CNNM3: variants seen among roughly 807,000 people sequenced by gnomAD.
The protein encoded by CNNM3 is metal transporter CNNM3.
A neutral mutation model predicts 57.1 loss-of-function variants in CNNM3; 47 were observed. The observed-to-expected ratio is 0.82, with a 90% confidence interval of 0.65 to 1.05. The LOEUF is 1.05. CNNM3 is among the 50% of genes least tolerant of loss of function. CNNM3 has a pLI of 0.00. For missense variants in CNNM3, 957 were observed against 973.7 expected, an observed-to-expected ratio of 0.98 and a Z score of 0.23; for synonymous variants, 507 against 478.2, an observed-to-expected ratio of 1.06 and a Z score of -0.79.
At chr2:96,832,202 C>T in intron 7 of CNNM3, 7 of 1,052,562 alleles carry the variant, frequency 6.7e-6, no homozygotes, top group Non-Finnish European at 6.9e-6. Flanking sequence ...TCCCTTCCAT[C>T]CTTCTGGAAG....
At chr2:96,825,232 C>G (rs757023756) in intron 2 of CNNM3, 31 bp downstream of exon 2, 1 of 1,611,832 alleles carries the variant, frequency 6.2e-7, no homozygotes, top group Non-Finnish European at 8.5e-7. Context: ...GTTCTGTCTC[C>G]GCTGGGCCTG....
chr2:96,816,447 C>T lies in CNNM3; in HGVS notation c.170C>T (p.Thr57Met). The T allele has an allele frequency of 1.4e-6, 2 of 1,434,538 alleles. No individual in the cohort carries two copies. Among genetic ancestry groups the T allele is most frequent in the Non-Finnish European group, 1.8e-6 (2 of 1,093,416 alleles). 88.9% of individuals were successfully genotyped at this position (1,434,538 alleles called of 1,614,324 possible). A position where few individuals can be genotyped will look rare whatever the true frequency, so the allele number is the denominator to read the frequency against. ...GWVRGGAARD[T>M]PDATFLLRLF... is the part of the protein sequence containing the mutation. ...GTACGCGGAGGGGCGGCGCGGGACA[C>T]GCCGGACGCCACCTTCCTCCTGCGC... The change falls in exon 1 of 8, where the codon ACG (threonine) becomes ATG (methionine). Residue 57 changes from threonine to methionine, a missense_variant. Physicochemically the swap from Thr to Met is moderately conservative, Grantham distance 81. Transcript: ENST00000305510.
chr2:96,835,895 CGGT>C (rs2079684764), downstream of CNNM3, among the ~76,000 whole-genome samples: 1 of 152,104 alleles, frequency 6.6e-6, no homozygotes, highest in African/African-American at 2.4e-5. Context: ...TGATGCCTCA[CGGT>C]GGTTTTTCAT....
chr2:96,822,950 C>T (rs1043948493), intron 1 of CNNM3, among the ~76,000 whole-genome samples: 1 of 152,160 alleles, frequency 6.6e-6, no homozygotes, highest in Non-Finnish European at 1.5e-5. Flanking sequence ...CTGTGAGCTG[C>T]TCGTGGCTCC....
rs2079334986 is a variant in CNNM3 at position 96,817,148 on chromosome 2, C to G, written c.871C>G (p.Leu291Val). The stretch of plus-strand genomic sequence containing the variant: ...GCCCGGGCGGCTGCGGGAGCGGGTG[C>G]TGGAGCTGGCGCGCGGCGGCGGCGA... ...ARPGRLRERV[L>V]ELARGGGDPY... Residue 291 changes from leucine to valine, a missense_variant, in exon 1 of 8, where the codon CTG becomes GTG. This residue lies in a region of CNNM3 where 491 missense variants were observed against 570.6 expected (regional missense o/e 0.86). Transcript: ENST00000305510. The G allele has an allele frequency of 6.4e-6, 9 of 1,407,762 alleles. No individual in the cohort carries two copies. Among genetic ancestry groups the G allele is most frequent in the Non-Finnish European group, 7.3e-6 (8 of 1,091,692 alleles). 87.2% of individuals were successfully genotyped at this position (1,407,762 alleles called of 1,614,324 possible).
chr2:96,831,821 G>A (rs533902157), intron 7 of CNNM3: 10 of 220,198 alleles, frequency 4.5e-5, no homozygotes, highest in Non-Finnish European at 6.1e-5. Context: ...CTGTGGGGCA[G>A]CGCAGCACCA....
intron 3 of CNNM3, 135 bp downstream of exon 3, chr2:96,827,117 C>A: frequency 2.2e-6 from 2 of 926,790 alleles, no homozygotes; most frequent in Non-Finnish European, 3.2e-6. Flanking sequence ...GTGTTCTCTG[C>A]AGCCCTGCCA....
chr2:96,832,266 A>C (rs2079616038), intron 7 of CNNM3: 4 of 985,376 alleles, frequency 4.1e-6, no homozygotes, highest in Non-Finnish European at 4.8e-6. Flanking sequence ...TCCTTCCAGC[A>C]CAGGGTGCTG....
At chr2:96,823,644 TTAA>T (rs1193616583) in intron 1 of CNNM3, among the ~76,000 whole-genome samples, 1 of 152,222 alleles carries the variant, frequency 6.6e-6, no homozygotes, top group Non-Finnish European at 1.5e-5. Context: ...TGTGCTTTAT[TTAA>T]TCAAGCCCAT....
chr2:96,828,347 G>T lies in CNNM3; in HGVS notation c.1786+152G>T, dbSNP rs377754582. ...TGGTGTAGCCCCTGGGCTTCCAGGA[G>T]GGAGGGCAGCATTCTTCATCGCTCA... On this transcript the variant is annotated intron_variant, in intron 5 of 7. Transcript: ENST00000305510. The T allele has an allele frequency of 1.5e-5, 12 of 825,692 alleles. No individual in the cohort carries two copies. In the African/African-American group the frequency reaches 1.6e-4, roughly 11 times the overall value. 51.1% of individuals were successfully genotyped at this position (825,692 alleles called of 1,614,324 possible). A position where few individuals can be genotyped will look rare whatever the true frequency, so the allele number is the denominator to read the frequency against.
chr2:96,825,324 C>G, intron 2 of CNNM3, 123 bp downstream of exon 2: 1 of 1,186,226 alleles, frequency 8.4e-7, no homozygotes, highest in Non-Finnish European at 1.2e-6. Flanking sequence ...CAGCCAGGCC[C>G]CCTTCTGAGC....
chr2:96,836,758 C>T (rs575883480), downstream of CNNM3: 4 of 152,302 alleles, frequency 2.6e-5, no homozygotes, highest in South Asian at 8.3e-4. Flanking sequence ...CTGATATTTC[C>T]TTTATGGACT....
At chr2:96,817,626 G>C in intron 1 of CNNM3, 124 bp downstream of exon 1, 1 of 925,148 alleles carries the variant, frequency 1.1e-6, no homozygotes, top group East Asian at 2.4e-5. Context: ...AGACCTCTAA[G>C]GTCCCTTTTC....
chr2:96,817,759 C>T (rs538126000), intron 1 of CNNM3, among the ~76,000 whole-genome samples: 1 of 152,062 alleles, frequency 6.6e-6, no homozygotes, highest in South Asian at 2.1e-4. Flanking sequence ...AGCCCCCCCC[C>T]CCCATTTGCA....
At chr2:96,828,324 G>A (rs2079544666) in intron 5 of CNNM3, 129 bp downstream of exon 5, 3 of 892,116 alleles carry the variant, frequency 3.4e-6, no homozygotes, top group East Asian at 2.6e-5. Context: ...CCACAAGGTG[G>A]TGTAGCCCCT....
rs200109873 is a variant in CNNM3 at position 96,829,003 on chromosome 2, G to A, written c.1928G>A (p.Arg643Gln). ...AACGCTGTCATCCTCCAGGTTACGC[G>A]ACTGCAGTACCTCAATGCACTCCTG... ...LSDLQLIKVT[R>Q]LQYLNALLAT... The change falls in exon 7 of 8, where the codon CGA (arginine) becomes CAA (glutamine). Residue 643 changes from arginine (R) to glutamine (Q), a missense_variant. Transcript: ENST00000305510. The A allele has an allele frequency of 1.9e-6, 3 of 1,613,658 alleles. No homozygotes were observed. The highest frequency in any genetic ancestry group is 2.7e-5 in the African/African-American group (2 of 74,954).
intron 1 of CNNM3, among the ~76,000 whole-genome samples, chr2:96,821,986 C>CATT (rs769275167): frequency 0.017 from 2,551 of 148,248 alleles, 61 homozygotes; most frequent in African/African-American, 0.047. Context: ...TACAAAAGAA[C>CATT]ATTATTATTA....
Position 96,835,118 on chromosome 2 carries a change from G to A in CNNM3, c.*2502G>A, listed in dbSNP as rs1434085202. On this transcript the variant is annotated 3_prime_UTR_variant, in exon 8 of 8. Coordinates refer to ENST00000305510, the MANE Select transcript of CNNM3 (RefSeq NM_017623.5). ...TCCCTCCCCACCTTCCCTAACTCCT[G>A]GTAACCACTAATCGTTCATCTCTTC... Among the ~76,000 whole-genome samples, 1 of 152,098 alleles carries A rather than the reference G, an allele frequency of 6.6e-6. No homozygotes were observed. The highest frequency in any genetic ancestry group is 2.4e-5 in the African/African-American group (1 of 41,412).
chr2:96,828,668 G>A lies in CNNM3; in HGVS notation c.1888G>A (p.Val630Met), dbSNP rs754286149. ...HSSAYCPDYT[V>M]RALSDLQLIK... ...ATCTGCGTATTGTCCCGACTACACCGTGAGGGCGCTCTCTGATCTGCAGCT... is the reference window on the plus strand; with the variant it reads ...ATCTGCGTATTGTCCCGACTACACCATGAGGGCGCTCTCTGATCTGCAGCT... The change falls in exon 6 of 8, where the codon GTG becomes ATG. Residue 630 changes from valine (V) to methionine (M), a missense_variant. By Grantham distance (21) the Val-to-Met change is conservative (BLOSUM62 1). This residue lies in a region of CNNM3 where 491 missense variants were observed against 570.6 expected (regional missense o/e 0.86). Transcript: ENST00000305510. 29 of 1,614,172 alleles carry A rather than the reference G, an allele frequency of 1.8e-5. No individual in the cohort carries two copies. The highest frequency in any genetic ancestry group is 2.2e-5 in the Non-Finnish European group (26 of 1,180,036).
Sources: allele counts gnomAD v4.1 joint callset (sites outside exome capture counted in the v4.1 genomes callset), GRCh38; gene constraint gnomAD v4.1.1; regional missense constraint gnomAD v4.1.1; transcripts MANE v1.5; gene names NCBI Gene and HGNC (gene_info 2026-07-23, HGNC 2026-07-21).